Variants in PCDHA9 observed in about 807,000 individuals in gnomAD.
PCDHA9 encodes the protein protocadherin alpha-9.
In PCDHA9, 62 loss-of-function variants were observed where a neutral mutation model predicts 62.0. The observed-to-expected ratio is 1.00, with a 90% CI of 0.81 to 1.23. The LOEUF is 1.23. PCDHA9 is among the 50% of genes most tolerant of loss of function. PCDHA9 has a pLI of 0.00. For synonymous variants in PCDHA9, 557 were observed against 567.6 expected (o/e 0.98, Z 0.27); for missense variants, 1,205 against 1,249.8 (o/e 0.96, Z 0.54).
intron 1 of PCDHA9, chr5:140,877,791 C>T: frequency 6.2e-7 from 1 of 1,614,022 alleles, no homozygotes. Flanking sequence ...TGGCCTTCAG[C>T]CCAAGCCTTC....
chr5:140,968,739 T>C, intron 1 of PCDHA9: 1 of 1,614,192 alleles, frequency 6.2e-7, no homozygotes, highest in South Asian at 1.1e-5. Context: ...ACTTTCAACC[T>C]GACCGTGGTG....
At chr5:140,937,568 G>T (rs1342447969) in intron 1 of PCDHA9, among the ~76,000 whole-genome samples, 1 of 151,920 alleles carries the variant, frequency 6.6e-6, no homozygotes, top group East Asian at 1.9e-4. Context: ...AGTGAGCTGG[G>T]ATCGCGTCAC....
chr5:141,000,421 A>ATATTTTT (rs1265241806), intron 3 of PCDHA9, among the ~76,000 whole-genome samples: 1 of 27,968 alleles, frequency 3.6e-5, no homozygotes, highest in Non-Finnish European at 5.7e-5. Context: ...ATATATATAT[A>ATATTTTT]TTTTTTTTTT....
At chr5:140,919,404 T>C (rs1554199054) in intron 1 of PCDHA9, among the ~76,000 whole-genome samples, 1 of 152,218 alleles carries the variant, frequency 6.6e-6, no homozygotes, top group African/African-American at 2.4e-5. Context: ...TCCTAAAAAC[T>C]CTAGACTGAC....
chr5:140,871,074 G>T (rs1210767724), intron 1 of PCDHA9: 10 of 1,613,214 alleles, frequency 6.2e-6, no homozygotes, highest in Middle Eastern at 3.3e-4. Context: ...GTGAGCCGGC[G>T]CTGACGGCCA....
intron 1 of PCDHA9, among the ~76,000 whole-genome samples, chr5:140,908,387 T>A (rs536105622): frequency 1.3e-5 from 2 of 152,230 alleles, no homozygotes; most frequent in Admixed American, 1.3e-4. Flanking sequence ...TCGAGCCCGA[T>A]CACATATATA....
At chr5:140,909,983 C>T (rs2074810620) in intron 1 of PCDHA9, among the ~76,000 whole-genome samples, 1 of 152,214 alleles carries the variant, frequency 6.6e-6, no homozygotes, top group Non-Finnish European at 1.5e-5. Context: ...GGGAGAAAGA[C>T]TAACAGCATA....
chr5:140,986,401 C>T (rs782437347), intron 3 of PCDHA9, among the ~76,000 whole-genome samples: 1 of 152,172 alleles, frequency 6.6e-6, no homozygotes. Context: ...GCCAGTCGCT[C>T]ATGTTACAGC....
At chr5:140,979,900 T>A (rs1554241214) in intron 2 of PCDHA9, among the ~76,000 whole-genome samples, 4 of 152,214 alleles carry the variant, frequency 2.6e-5, no homozygotes, top group Admixed American at 6.5e-5. Context: ...CAAACTTAGA[T>A]CAGTTCGTAA....
At position 141,010,004 on chromosome 5, in the gene PCDHA9, A is replaced by T; in HGVS notation, c.*67A>T. 1 of 1,573,418 alleles carries T rather than the reference A, an allele frequency of 6.4e-7. No individual in the cohort carries two copies. The highest frequency in any genetic ancestry group is 8.6e-7 in the Non-Finnish European group (1 of 1,163,824). ...TAATGGCAAATCTCTCCCATGTAGC[A>T]ATTCCCTGCTCCTTTTTCCTATCTA... On this transcript the variant is annotated 3_prime_UTR_variant, in exon 4 of 4. Transcript: ENST00000532602.
At position 140,967,080 on chromosome 5, in the gene PCDHA9, T is replaced by C. The variant is rs781942171; in HGVS notation, c.2395-11869T>C. On this transcript the variant is annotated intron_variant, in intron 1 of 3. Transcript: ENST00000532602. The stretch of plus-strand genomic sequence containing the variant: ...GGAGCGCTCTTCGTCAACGAGCGCA[T>C]TGATCGGGAGGCGCTGTGTGAGCAG... 168 of 1,613,222 alleles carry C rather than the reference T, an allele frequency of 1.0e-4. No homozygotes were observed. The highest frequency in any genetic ancestry group is 3.7e-4 in the Admixed American group (22 of 60,010).
intron 1 of PCDHA9, among the ~76,000 whole-genome samples, chr5:140,971,432 A>G (rs1446143040): frequency 6.6e-6 from 1 of 152,226 alleles, no homozygotes; most frequent in African/African-American, 2.4e-5. Context: ...AAGAACCCCA[A>G]GATCTACAGC....
chr5:140,860,055 A>C (rs1466399941), intron 1 of PCDHA9: 6 of 151,228 alleles, frequency 4.0e-5, no homozygotes, highest in Admixed American at 3.3e-4. Flanking sequence ...TTGAGAGGCC[A>C]AGGTGGGAGG....
chr5:140,927,870 G>A (rs1302526715), intron 1 of PCDHA9: 1 of 1,614,100 alleles, frequency 6.2e-7, no homozygotes. Context: ...CCGCTAAACT[G>A]CTGGTGGAGG....
chr5:140,858,025 G>A, intron 1 of PCDHA9: 1 of 1,596,948 alleles, frequency 6.3e-7, no homozygotes, highest in Non-Finnish European at 8.6e-7. Context: ...CGTCGCTGAC[G>A]GCCACGGCCA....
chr5:140,887,670 C>T (rs368430565), intron 1 of PCDHA9, among the ~76,000 whole-genome samples: 1 of 151,988 alleles, frequency 6.6e-6, no homozygotes, highest in Non-Finnish European at 1.5e-5. Context: ...GTGGATTTAT[C>T]ATTTTCATCA....
chr5:140,986,366 G>A (rs149115330), intron 3 of PCDHA9, among the ~76,000 whole-genome samples: 226 of 152,252 alleles, frequency 1.5e-3, no homozygotes, highest in African/African-American at 5.1e-3. Context: ...GGAGGAATGC[G>A]TTTTGGGGGG....
At chr5:140,931,751 A>G (rs1393748704) in intron 1 of PCDHA9, among the ~76,000 whole-genome samples, 2 of 151,952 alleles carry the variant, frequency 1.3e-5, no homozygotes, top group African/African-American at 4.8e-5. Context: ...TCACAAAGGC[A>G]TTTGTTATTT....
chr5:140,894,675 A>G lies in PCDHA9; in HGVS notation c.2394+43786A>G, dbSNP rs78197412. Reference sequence around the variant, plus strand: ...CTAATTCTGATTTGTGTATTCTTGCATAGCTTTTCATTATTTTCTAAAAAT... The same window carrying G: ...CTAATTCTGATTTGTGTATTCTTGCGTAGCTTTTCATTATTTTCTAAAAAT... On this transcript the variant is annotated intron_variant, in intron 1 of 3. Coordinates refer to ENST00000532602, the MANE Select transcript of PCDHA9 (RefSeq NM_031857.2). 4.6e-3 allele frequency among the ~76,000 whole-genome samples: 702 copies of G among 151,998 alleles called. 3 individuals carry two copies. The highest frequency in any genetic ancestry group is 0.016 in the African/African-American group (679 of 41,480).
Sources: gnomAD v4.1 joint callset for allele counts (sites outside exome capture counted in the v4.1 genomes callset) on GRCh38, gnomAD v4.1.1 for gene constraint, MANE v1.5 for transcripts, NCBI Gene and HGNC (gene_info 2026-07-23, HGNC 2026-07-21) for gene names.